Variants in SYN3 observed in about 807,000 individuals in gnomAD.
SYN3 encodes the protein synapsin-3.
A neutral mutation model predicts 65.8 loss-of-function variants in SYN3; 35 were observed. That is an observed-to-expected ratio of 0.53 (90% CI 0.41 to 0.70). The LOEUF (loss-of-function observed/expected upper bound fraction) is 0.70, where lower values mean the gene tolerates loss of function less well. SYN3 is among the 30% of genes least tolerant of loss of function. SYN3 has a pLI of 0.00. For missense variants in SYN3, 680 were observed against 749.0 expected, an observed-to-expected ratio of 0.91 and a Z score of 1.08; for synonymous variants, 270 against 292.9, an observed-to-expected ratio of 0.92 and a Z score of 0.80.
intron 8 of SYN3, among the ~76,000 whole-genome samples, chr22:32,540,039 T>G (rs1187810479): frequency 6.6e-6 from 1 of 152,158 alleles, no homozygotes; most frequent in Admixed American, 6.5e-5. Flanking sequence ...TCCTCAAGAA[T>G]GAGCTCCATC....
intron 7 of SYN3, among the ~76,000 whole-genome samples, chr22:32,581,396 G>A (rs2146492895): frequency 6.6e-6 from 1 of 152,340 alleles, no homozygotes; most frequent in East Asian, 1.9e-4. Context: ...GTAGGCATGA[G>A]CCGTAGCTCC....
rs1290821887 is a variant in SYN3 at position 32,786,739 on chromosome 22, T to C, written c.711+78176A>G. On this transcript the variant is annotated intron_variant, in intron 6 of 13. Transcript: ENST00000358763. ...ACATTTGGGGAATCTGGGTAAAAGGTATCTGGTAATTCTCTGAACTATTCC... is the reference window on the plus strand; with the variant it reads ...ACATTTGGGGAATCTGGGTAAAAGGCATCTGGTAATTCTCTGAACTATTCC... 3.3e-5 allele frequency among the ~76,000 whole-genome samples: 5 copies of C among 152,202 alleles called. No individual in the cohort carries two copies. In the East Asian group the frequency reaches 9.7e-4, roughly 29 times the overall value.
chr22:32,798,361 G>C (rs963687788), intron 6 of SYN3, among the ~76,000 whole-genome samples: 2 of 152,040 alleles, frequency 1.3e-5, no homozygotes, highest in African/African-American at 4.8e-5. Flanking sequence ...TTACAGCTTG[G>C]AGGACTGAGC....
At chr22:32,611,710 G>C (rs2059448466) in intron 6 of SYN3, among the ~76,000 whole-genome samples, 1 of 152,180 alleles carries the variant, frequency 6.6e-6, no homozygotes, top group African/African-American at 2.4e-5. Flanking sequence ...AGAATGTTCA[G>C]GATGCTGTGA....
intron 1 of SYN3, among the ~76,000 whole-genome samples, chr22:33,020,508 T>C (rs2053542355): frequency 6.6e-6 from 1 of 152,172 alleles, no homozygotes; most frequent in Non-Finnish European, 1.5e-5. Context: ...TTAAAATGAT[T>C]CTTCCAATGG....
intron 12 of SYN3, among the ~76,000 whole-genome samples, chr22:32,526,272 GT>G (rs1429392800): frequency 6.6e-6 from 1 of 152,074 alleles, no homozygotes; most frequent in East Asian, 1.9e-4. Flanking sequence ...TCTGTACACA[GT>G]TGTGTACAAT....
rs565735947 is a variant in SYN3 at position 32,511,150 on chromosome 22, C to T, written c.*2542G>A. Among the ~76,000 whole-genome samples, 4 of 152,248 alleles carry T rather than the reference C, an allele frequency of 2.6e-5. No individual in the cohort carries two copies. Among genetic ancestry groups the T allele is most frequent in the South Asian group, 4.1e-4 (2 of 4,826 alleles). ...ATCTGATATTTTGAATTTCACCTCC[C>T]GTCTCTTTTCCCTATGCCCCACTTG... On this transcript the variant is annotated 3_prime_UTR_variant, in exon 14 of 14. Transcript: ENST00000358763.
chr22:32,543,069 C>T (rs989002720), intron 7 of SYN3, among the ~76,000 whole-genome samples: 16 of 152,152 alleles, frequency 1.1e-4, no homozygotes, highest in Non-Finnish European at 1.5e-4. Context: ...CCCCATCTCA[C>T]GTCCTTCCGA....
At chr22:32,755,406 A>T (rs965666365) in intron 6 of SYN3, among the ~76,000 whole-genome samples, 7 of 152,220 alleles carry the variant, frequency 4.6e-5, no homozygotes, top group Non-Finnish European at 1.0e-4. Context: ...TGAAGCATTC[A>T]AACGTTACAT....
At position 32,509,852 on chromosome 22, in the gene SYN3, G is replaced by A. The variant is rs976306258; in HGVS notation, c.*3840C>T. Among the ~76,000 whole-genome samples the A allele has an allele frequency of 1.3e-5, 2 of 152,310 alleles. No individual in the cohort carries two copies. The highest frequency in any genetic ancestry group is 3.9e-4 in the East Asian group (2 of 5,174). ...CAAAGTGCTGGGATTACTGATGTGA[G>A]CCACTGCGCCTGGCCCCAGTGGGGA... On this transcript the variant is annotated 3_prime_UTR_variant, in exon 14 of 14. Transcript: ENST00000358763.
intron 6 of SYN3, among the ~76,000 whole-genome samples, chr22:32,779,110 A>G (rs2045973614): frequency 6.6e-6 from 1 of 152,172 alleles, no homozygotes; most frequent in African/African-American, 2.4e-5. Flanking sequence ...AATGAATGTA[A>G]AATGTGATGT....
chr22:32,708,805 A>G (rs1432748560), intron 6 of SYN3, among the ~76,000 whole-genome samples: 1 of 152,240 alleles, frequency 6.6e-6, no homozygotes, highest in East Asian at 1.9e-4. Flanking sequence ...AGCAAGATGC[A>G]TGTGCTGTTG....
chr22:32,566,868 C>T (rs143127202), intron 7 of SYN3, among the ~76,000 whole-genome samples: 2 of 152,106 alleles, frequency 1.3e-5, no homozygotes, highest in East Asian at 1.9e-4. Context: ...TGAGAAGAAA[C>T]GGACAGGTAG....
At chr22:32,892,323 C>A (rs2079760366) in intron 4 of SYN3, among the ~76,000 whole-genome samples, 1 of 151,612 alleles carries the variant, frequency 6.6e-6, no homozygotes, top group Non-Finnish European at 1.5e-5. Flanking sequence ...AATAAAAAAG[C>A]CACCCTGTGC....
At chr22:32,526,060 C>T (rs891881497) in intron 12 of SYN3, among the ~76,000 whole-genome samples, 7 of 152,232 alleles carry the variant, frequency 4.6e-5, no homozygotes, top group African/African-American at 9.6e-5. Context: ...AGGGCTCAGA[C>T]GATTGTTAGT....
At chr22:32,927,863 G>C (rs1226807655) in intron 4 of SYN3, among the ~76,000 whole-genome samples, 3 of 152,110 alleles carry the variant, frequency 2.0e-5, no homozygotes, top group Non-Finnish European at 4.4e-5. Flanking sequence ...TTTCTCTGAG[G>C]ATAGAATTAT....
Position 32,766,942 on chromosome 22 carries a change from G to C in SYN3, c.711+97973C>G, listed in dbSNP as rs188059292. ...CTTACGTGTGCAATTCTGATAGACA[G>C]TTGGGTATCCACAGTAGACCATTTG... On this transcript the variant is annotated intron_variant, in intron 6 of 13. Transcript: ENST00000358763. 6.2e-4 allele frequency among the ~76,000 whole-genome samples: 95 copies of C among 152,318 alleles called. 1 individual carries two copies. The highest frequency in any genetic ancestry group is 2.0e-3 in the African/African-American group (82 of 41,560).
At chr22:32,786,833 T>C (rs974818420) in intron 6 of SYN3, among the ~76,000 whole-genome samples, 7 of 152,036 alleles carry the variant, frequency 4.6e-5, no homozygotes, top group African/African-American at 9.7e-5. Context: ...GGGAAGAAGA[T>C]GAGACTCATG....
Position 32,882,716 on chromosome 22 carries a change from A to AT in SYN3, c.462-13592dup, listed in dbSNP as rs34826132. 4.0e-3 allele frequency among the ~76,000 whole-genome samples: 592 copies of AT among 147,534 alleles called. 10 individuals are homozygous for AT. The highest frequency in any genetic ancestry group is 0.028 in the Admixed American group (415 of 14,920). On this transcript the variant is annotated intron_variant, in intron 4 of 13. Coordinates refer to ENST00000358763, the MANE Select transcript of SYN3 (RefSeq NM_003490.4). ...TTTTCTAGCCTTAAAATAGTTCAGA[A>AT]TTTTTTTTTTTTTTAGGATCTGAAG...
Sources: gnomAD v4.1 joint callset for allele counts (sites outside exome capture counted in the v4.1 genomes callset) on GRCh38, gnomAD v4.1.1 for gene constraint, MANE v1.5 for transcripts, NCBI Gene and HGNC (gene_info 2026-07-23, HGNC 2026-07-21) for gene names.